The following SIDT1 variants were observed in gnomAD, a reference collection of about 807,000 sequenced individuals.
SIDT1 encodes SID1 transmembrane family member 1, also known as SID1 transmembrane family, member 1.
Under a neutral mutation model 107.5 loss-of-function variants are expected in SIDT1, and 101 were observed. The ratio of observed to expected loss-of-function variants is 0.94; its 90% CI spans 0.80 to 1.11. The LOEUF (loss-of-function observed/expected upper bound fraction) is 1.11. SIDT1 is among the 50% of genes least tolerant of loss of function. The pLI is 0.00. For synonymous variants in SIDT1, 395 were observed against 398.2 expected (o/e 0.99, Z 0.10); for missense variants, 1,076 against 1,058.2 (o/e 1.02, Z -0.23).
At chr3:113,542,931 TG>T (rs1185143899) in intron 1 of SIDT1, among the ~76,000 whole-genome samples, 51 of 151,188 alleles carry the variant, frequency 3.4e-4, no homozygotes, top group Admixed American at 1.1e-3. Context: ...TGTGTGTGTG[TG>T]TGTGTGTTTG....
At chr3:113,589,105 A>G (rs1943955539) in intron 9 of SIDT1, among the ~76,000 whole-genome samples, 1 of 152,220 alleles carries the variant, frequency 6.6e-6, no homozygotes, top group South Asian at 2.1e-4. Flanking sequence ...GAATTAGCAC[A>G]ATGTTACTTC....
chr3:113,538,770 G>T (rs72950844), intron 1 of SIDT1, among the ~76,000 whole-genome samples: 1 of 152,078 alleles, frequency 6.6e-6, no homozygotes, highest in African/African-American at 2.4e-5. Context: ...ATTTGAGAAG[G>T]TTATGATAGG....
chr3:113,561,278 C>T (rs905728127), intron 1 of SIDT1, among the ~76,000 whole-genome samples: 2 of 152,186 alleles, frequency 1.3e-5, no homozygotes, highest in African/African-American at 4.8e-5. Flanking sequence ...ACTATCTGTT[C>T]ATCTTGAAAA....
intron 23 of SIDT1, among the ~76,000 whole-genome samples, chr3:113,624,260 T>C (rs947830774): frequency 1.3e-5 from 2 of 152,224 alleles, no homozygotes; most frequent in Non-Finnish European, 2.9e-5. Flanking sequence ...TCACTCCTCA[T>C]TTCTCGCTAA....
intron 1 of SIDT1, among the ~76,000 whole-genome samples, chr3:113,553,300 A>AC (rs1940477852): frequency 2.0e-5 from 3 of 152,122 alleles, no homozygotes; most frequent in Non-Finnish European, 2.9e-5. Flanking sequence ...ATCCTGACAA[A>AC]CACGTATTTA....
Position 113,574,173 on chromosome 3 carries a change from G to A in SIDT1, c.516-2749G>A, listed in dbSNP as rs1942710785. 2.0e-5 allele frequency among the ~76,000 whole-genome samples: 3 copies of A among 152,202 alleles called. No individual in the cohort carries two copies. The South Asian group carries it at 6.2e-4, about 32-fold the overall frequency. On this transcript the variant is annotated intron_variant, in intron 3 of 24. Coordinates refer to ENST00000264852, the MANE Select transcript of SIDT1 (RefSeq NM_017699.3). ...AGAAAGGCAGATTAAATTCATAGGA[G>A]AGTTGGATATTTGTAGATGCAAAGT...
Position 113,566,451 on chromosome 3 carries a change from C to A in SIDT1, c.254C>A (p.Ser85Tyr). The A allele has an allele frequency of 6.2e-7, 1 of 1,613,982 alleles. No homozygotes were observed. The highest frequency in any genetic ancestry group is 8.5e-7 in the Non-Finnish European group (1 of 1,179,966). The change falls in exon 2 of 25, where the codon TCC (serine) becomes TAC (tyrosine). Residue 85 changes from serine to tyrosine, a missense_variant. Physicochemically the swap from Ser to Tyr is moderately radical, Grantham distance 144. Coordinates refer to ENST00000264852, the MANE Select transcript of SIDT1 (RefSeq NM_017699.3). ...GCCGTGAGGGTGTATGTGAACAGTT[C>A]CTCTGAGAATCTCAACTACCCGGTC... Reference protein sequence around the residue: ...VTAVRVYVNSSSENLNYPVLV... With the variant: ...VTAVRVYVNSYSENLNYPVLV...
chr3:113,550,552 C>A (rs1423156498), intron 1 of SIDT1, among the ~76,000 whole-genome samples: 1 of 152,120 alleles, frequency 6.6e-6, no homozygotes, highest in African/African-American at 2.4e-5. Context: ...AGTCAATGAA[C>A]TTATCTTTGT....
Position 113,576,952 on chromosome 3 carries a change from C to T in SIDT1, c.546C>T (p.Ser182=). ...RTNVAFHFTA[S]PSQPQYFLYK... is the part of the protein sequence containing the mutation. ...ATGTTGCCTTTCACTTTACTGCCAG[C>T]CCCTCTCAACCTCAGGTAAGTGAAG... is the stretch of plus-strand genomic sequence containing the variant. The change falls in exon 4 of 25, where the codon AGC becomes AGT. Residue 182 remains serine (S), a synonymous_variant. Coordinates refer to ENST00000264852, the MANE Select transcript of SIDT1 (RefSeq NM_017699.3). The T allele has an allele frequency of 6.2e-7, 1 of 1,614,170 alleles. No homozygotes were observed. Among genetic ancestry groups the T allele is most frequent in the South Asian group, 1.1e-5 (1 of 91,082 alleles).
chr3:113,559,540 C>G (rs1941228424), intron 1 of SIDT1, among the ~76,000 whole-genome samples: 1 of 151,970 alleles, frequency 6.6e-6, no homozygotes, highest in African/African-American at 2.4e-5. Flanking sequence ...ATCCTGGGCT[C>G]AAACAATGCT....
chr3:113,597,668 C>T (rs1944670445), intron 10 of SIDT1, among the ~76,000 whole-genome samples: 1 of 152,144 alleles, frequency 6.6e-6, no homozygotes, highest in Admixed American at 6.5e-5. Context: ...TTTTTCTCCT[C>T]ACATAAGGCA....
In SIDT1 at chr3:113,617,369, CTT is replaced by C. The variant is rs1946181410; in HGVS notation, c.2043+1194_2043+1195del. Reference sequence around the variant, plus strand: ...CTCAGGGCCCTGGTCCCAGCTCTCTCTTGGCTCTCTGGTCAGTGATCTTGAGA... The same window carrying C: ...CTCAGGGCCCTGGTCCCAGCTCTCTCGGCTCTCTGGTCAGTGATCTTGAGA... On this transcript the variant is annotated intron_variant, in intron 20 of 24. Transcript: ENST00000264852. 2.0e-5 allele frequency among the ~76,000 whole-genome samples: 3 copies of C among 152,356 alleles called. No homozygotes were observed. In the South Asian group the frequency reaches 6.2e-4, roughly 32 times the overall value.
intron 3 of SIDT1, among the ~76,000 whole-genome samples, chr3:113,574,442 C>T (rs1942738389): frequency 1.3e-5 from 2 of 152,184 alleles, no homozygotes; most frequent in African/African-American, 2.4e-5. Context: ...TTTGAATGCA[C>T]ACTGTGCTCT....
chr3:113,592,788 A>G (rs1280897343), intron 9 of SIDT1: 4 of 482,314 alleles, frequency 8.3e-6, no homozygotes, highest in South Asian at 2.1e-5. Flanking sequence ...GGGTTTCACC[A>G]TATTGGCCAG....
intron 1 of SIDT1, among the ~76,000 whole-genome samples, chr3:113,538,185 G>A (rs1482709462): frequency 6.6e-6 from 1 of 152,216 alleles, no homozygotes; most frequent in African/African-American, 2.4e-5. Context: ...TGGGGATTAA[G>A]TTTCAACATG....
intron 3 of SIDT1, among the ~76,000 whole-genome samples, chr3:113,575,635 T>C (rs1567780): frequency 0.48 from 72,311 of 152,124 alleles, 17,869 homozygotes; most frequent in East Asian, 0.76. Context: ...AGCTAAATTC[T>C]GAGCCCAGCC....
intron 9 of SIDT1, among the ~76,000 whole-genome samples, chr3:113,591,871 C>A (rs1408474445): frequency 6.6e-6 from 1 of 152,070 alleles, no homozygotes; most frequent in Non-Finnish European, 1.5e-5. Flanking sequence ...CTCATGATAG[C>A]CAAAATGTGA....
chr3:113,551,972 A>G (rs546296555), intron 1 of SIDT1, among the ~76,000 whole-genome samples: 1 of 152,228 alleles, frequency 6.6e-6, no homozygotes, highest in East Asian at 1.9e-4. Flanking sequence ...ATTCCTGAGA[A>G]CTGGTATTTC....
At chr3:113,622,387 T>C (rs2107818677) in intron 21 of SIDT1, among the ~76,000 whole-genome samples, 1 of 134,048 alleles carries the variant, frequency 7.5e-6, no homozygotes, top group Admixed American at 9.0e-5. Flanking sequence ...TGCTTAAACT[T>C]GGAGGGGTGG....
Sources: gnomAD v4.1 joint callset for allele counts (sites outside exome capture counted in the v4.1 genomes callset) on GRCh38, gnomAD v4.1.1 for gene constraint, MANE v1.5 for transcripts, NCBI Gene and HGNC (gene_info 2026-07-23, HGNC 2026-07-21) for gene names.